Variants in CSMD1 observed in about 807,000 individuals in gnomAD.
CSMD1 encodes the protein CUB and sushi domain-containing protein 1.
CSMD1 carries 213 observed loss-of-function variants against 417.5 expected under a neutral mutation model. The ratio of observed to expected loss-of-function variants is 0.51; its 90% CI spans 0.46 to 0.57. CSMD1 has a LOEUF of 0.57. Among genes scored for constraint, CSMD1 ranks in the 20% least tolerant of loss-of-function variants. The probability of loss-of-function intolerance (pLI) is 0.00; values close to 1 mark genes in which losing one functional copy is unlikely to be tolerated. For synonymous variants in CSMD1, 2,862 were observed against 1,736.8 expected, an observed-to-expected ratio of 1.65 and a Z score of -16.11; for missense variants, 6,923 against 4,529.7, an observed-to-expected ratio of 1.53 and a Z score of -15.17.
At chr8:3,944,683 TC>T (rs752133350) in intron 5 of CSMD1, among the ~76,000 whole-genome samples, 12 of 152,194 alleles carry the variant, frequency 7.9e-5, no homozygotes, top group Non-Finnish European at 7.4e-5. Flanking sequence ...AATAAAAAGA[TC>T]TATGTTGAAA....
intron 5 of CSMD1, among the ~76,000 whole-genome samples, chr8:3,760,574 T>G (rs1382553563): frequency 6.6e-6 from 1 of 152,260 alleles, no homozygotes; most frequent in Non-Finnish European, 1.5e-5. Context: ...CACATTGTTC[T>G]AACATTTTAC....
chr8:4,003,804 T>C (rs1405422184), intron 4 of CSMD1, among the ~76,000 whole-genome samples: 3 of 151,868 alleles, frequency 2.0e-5, no homozygotes, highest in Non-Finnish European at 2.9e-5. Flanking sequence ...CTACTGAGTA[T>C]ATTGTACGTG....
At chr8:4,953,763 G>A (rs893821360) in intron 1 of CSMD1, among the ~76,000 whole-genome samples, 1 of 152,078 alleles carries the variant, frequency 6.6e-6, no homozygotes, top group Non-Finnish European at 1.5e-5. Flanking sequence ...CTTTCTGCAA[G>A]GCTAATTCTC....
At chr8:4,357,856 A>G (rs550931044) in intron 3 of CSMD1, among the ~76,000 whole-genome samples, 1 of 152,304 alleles carries the variant, frequency 6.6e-6, no homozygotes, top group South Asian at 2.1e-4. Context: ...ATCACTTAAA[A>G]TTTATCATAT....
intron 10 of CSMD1, among the ~76,000 whole-genome samples, chr8:3,511,003 A>ATG (rs1797041867): frequency 2.0e-5 from 3 of 151,330 alleles, no homozygotes; most frequent in South Asian, 4.1e-4. Context: ...ATGATAGACC[A>ATG]AACAAAGAAA....
At chr8:4,906,103 C>T (rs751873057) in intron 1 of CSMD1, among the ~76,000 whole-genome samples, 9 of 152,078 alleles carry the variant, frequency 5.9e-5, no homozygotes, top group Non-Finnish European at 1.2e-4. Flanking sequence ...ATCAAATTAT[C>T]CTTGTATGAT....
chr8:3,261,609 G>A (rs540702408), intron 26 of CSMD1, among the ~76,000 whole-genome samples: 4 of 152,222 alleles, frequency 2.6e-5, no homozygotes, highest in Admixed American at 1.3e-4. Flanking sequence ...GTGTCCTTCG[G>A]CGGTGAGTGA....
intron 6 of CSMD1, among the ~76,000 whole-genome samples, chr8:3,734,141 T>G (rs910534612): frequency 1.3e-5 from 2 of 152,220 alleles, no homozygotes; most frequent in African/African-American, 4.8e-5. Context: ...ATTTAATTAT[T>G]TAAGGATACT....
chr8:4,577,117 T>G lies in CSMD1; in HGVS notation c.302+60225A>C, dbSNP rs187868569. On this transcript the variant is annotated intron_variant, in intron 2 of 69. Transcript: ENST00000635120. ...ACACACACATATATAACGTGTATAA[T>G]TTATGCTAATCTTCTGCAATGTTTC... Among the ~76,000 whole-genome samples, 3 of 152,332 alleles carry G rather than the reference T, an allele frequency of 2.0e-5. No individual in the cohort carries two copies. The East Asian group carries it at 5.8e-4, about 29-fold the overall frequency.
intron 1 of CSMD1, among the ~76,000 whole-genome samples, chr8:4,963,623 A>G (rs1359962798): frequency 1.3e-5 from 2 of 152,160 alleles, no homozygotes. Flanking sequence ...CCTGTAACTT[A>G]GATGATCTCA....
At chr8:4,277,562 G>C (rs1475573337) in intron 3 of CSMD1, among the ~76,000 whole-genome samples, 1 of 152,062 alleles carries the variant, frequency 6.6e-6, no homozygotes, top group African/African-American at 2.4e-5. Context: ...GACATGGATA[G>C]AGCTGCATGT....
In CSMD1 at chr8:3,187,979, A is replaced by C; in HGVS notation, c.5524-14T>G. ...GATCACTTGGATCTACCAAACCATG[A>C]CATTAAGTTAATATTTATTTTTGGC... is the stretch of plus-strand genomic sequence containing the variant. On this transcript the variant is annotated splice_polypyrimidine_tract_variant and intron_variant, in intron 35 of 69. Transcript: ENST00000635120. The C allele has an allele frequency of 6.2e-7, 1 of 1,605,684 alleles. No homozygotes were observed. Among genetic ancestry groups the C allele is most frequent in the Non-Finnish European group, 8.5e-7 (1 of 1,175,392 alleles).
intron 12 of CSMD1, among the ~76,000 whole-genome samples, chr8:3,411,885 C>T (rs1409935410): frequency 7.7e-6 from 1 of 129,408 alleles, no homozygotes; most frequent in African/African-American, 2.8e-5. Flanking sequence ...TATATATACA[C>T]GTATATATGC....
chr8:4,925,754 G>A (rs560572788), intron 1 of CSMD1, among the ~76,000 whole-genome samples: 2 of 151,900 alleles, frequency 1.3e-5, no homozygotes, highest in East Asian at 1.9e-4. Flanking sequence ...TCACCGTGTT[G>A]GTCAGGATGG....
At chr8:4,112,152 G>C (rs1053952760) in intron 3 of CSMD1, among the ~76,000 whole-genome samples, 3 of 152,184 alleles carry the variant, frequency 2.0e-5, no homozygotes, top group Non-Finnish European at 4.4e-5. Flanking sequence ...GGCATCCAGA[G>C]CTTAAAAGAG....
At chr8:4,800,359 A>G (rs1798212508) in intron 1 of CSMD1, among the ~76,000 whole-genome samples, 1 of 149,150 alleles carries the variant, frequency 6.7e-6, no homozygotes, top group Admixed American at 6.7e-5. Context: ...TGAACCTGGG[A>G]GGTGGAGGTT....
intron 46 of CSMD1, among the ~76,000 whole-genome samples, chr8:3,098,466 A>C (rs1267410026): frequency 6.6e-6 from 1 of 152,202 alleles, no homozygotes; most frequent in African/African-American, 2.4e-5. Flanking sequence ...TTTAGACATA[A>C]GACCACCAAT....
chr8:3,612,279 T>G (rs959941759), intron 8 of CSMD1, among the ~76,000 whole-genome samples: 1 of 152,126 alleles, frequency 6.6e-6, no homozygotes, highest in Non-Finnish European at 1.5e-5. Flanking sequence ...TTTGCGTACC[T>G]AATTACAGAG....
intron 54 of CSMD1, among the ~76,000 whole-genome samples, chr8:2,986,841 G>A (rs566038809): frequency 1.3e-5 from 2 of 152,126 alleles, no homozygotes; most frequent in African/African-American, 4.8e-5. Context: ...TATGCCTAAT[G>A]CAAAGGAAAA....
Sources: gnomAD v4.1 joint callset for allele counts (sites outside exome capture counted in the v4.1 genomes callset) on GRCh38, gnomAD v4.1.1 for gene constraint, MANE v1.5 for transcripts, NCBI Gene and HGNC (gene_info 2026-07-23, HGNC 2026-07-21) for gene names.